TRPM8: variants seen among roughly 807,000 people sequenced by gnomAD.
TRPM8 encodes TRPM8 cationic channel.
In TRPM8, 110 loss-of-function variants were observed where a neutral mutation model predicts 133.7. The ratio of observed to expected loss-of-function variants is 0.82; its 90% CI spans 0.70 to 0.96. The LOEUF is 0.96. TRPM8 is among the 40% of genes least tolerant of loss of function. The probability of loss-of-function intolerance (pLI) is 0.00; values close to 1 mark genes in which losing one functional copy is unlikely to be tolerated. For missense variants in TRPM8, 1,291 were observed against 1,379.5 expected (o/e 0.94, Z 1.02); for synonymous variants, 535 against 532.3 (o/e 1.01, Z -0.07).
chr2:233,921,149 C>T (rs1044812358), intron 1 of TRPM8, among the ~76,000 whole-genome samples: 2 of 152,172 alleles, frequency 1.3e-5, no homozygotes, highest in Non-Finnish European at 2.9e-5. Context: ...GCATGAACTA[C>T]CACGCCCGGC....
chr2:233,932,414 A>C (rs1211829806), intron 3 of TRPM8, among the ~76,000 whole-genome samples: 8 of 152,300 alleles, frequency 5.3e-5, no homozygotes, highest in African/African-American at 1.7e-4. Context: ...TGCTTGGAGC[A>C]TGTGCCTATC....
intron 9 of TRPM8, 87 bp from the exon 10 acceptor site, chr2:233,953,830 T>C (rs1691227283): frequency 1.0e-6 from 1 of 993,672 alleles, no homozygotes; most frequent in Non-Finnish European, 1.5e-6. Flanking sequence ...GTGGTCTTTT[T>C]AAAAAGATCT....
intron 15 of TRPM8, among the ~76,000 whole-genome samples, chr2:233,968,658 C>T (rs956769469): frequency 2.6e-5 from 4 of 152,002 alleles, no homozygotes; most frequent in African/African-American, 9.7e-5. Flanking sequence ...TCCTAGCTAG[C>T]ACTGAGAAGG....
intron 9 of TRPM8, among the ~76,000 whole-genome samples, chr2:233,953,444 A>C (rs1203787242): frequency 1.3e-5 from 2 of 152,256 alleles, no homozygotes; most frequent in Non-Finnish European, 2.9e-5. Context: ...TTACAGAAAA[A>C]TAACAAAGGA....
rs200802189 is a variant in TRPM8 at position 234,018,298 on chromosome 2, T to A, written c.*1042T>A. 1.3e-4 allele frequency: 20 copies of A among 152,192 alleles called. No individual in the cohort carries two copies. In the South Asian group the frequency reaches 1.9e-3, roughly 14 times the overall value. The allele number at this position is 152,192 out of a possible 1,614,324, so 9.4% of individuals were successfully genotyped here. A position where few individuals can be genotyped will look rare whatever the true frequency, so the allele number is the denominator to read the frequency against. ...TGCATAATAGGCAACCTCTAGCGAT[T>A]ACCATAATTTTGCTCATTGAAGGCT... is the stretch of plus-strand genomic sequence containing the variant. On this transcript the variant is annotated 3_prime_UTR_variant, in exon 26 of 26. Transcript: ENST00000324695.
chr2:233,924,295 G>A (rs1341072487), intron 1 of TRPM8, among the ~76,000 whole-genome samples: 2 of 152,140 alleles, frequency 1.3e-5, no homozygotes, highest in Non-Finnish European at 2.9e-5. Context: ...TCTCCCTGGC[G>A]CATGACGCAC....
intron 17 of TRPM8, among the ~76,000 whole-genome samples, chr2:233,975,879 C>T: frequency 7.9e-6 from 1 of 126,710 alleles, no homozygotes; most frequent in East Asian, 2.1e-4. Context: ...GAGACTCCAC[C>T]TCAAACAAAA....
At chr2:233,934,781 T>C (rs996977234) in intron 3 of TRPM8, among the ~76,000 whole-genome samples, 2 of 152,240 alleles carry the variant, frequency 1.3e-5, no homozygotes, top group African/African-American at 4.8e-5. Flanking sequence ...TGGCCACAGT[T>C]TGGCTGGGAA....
intron 3 of TRPM8, among the ~76,000 whole-genome samples, chr2:233,931,054 C>T (rs1691670101): frequency 6.6e-6 from 1 of 152,212 alleles, no homozygotes; most frequent in African/African-American, 2.4e-5. Flanking sequence ...TGTTTTACAG[C>T]TGTTGGCTGG....
chr2:233,976,272 C>T (rs561607546), intron 17 of TRPM8, among the ~76,000 whole-genome samples: 1 of 152,182 alleles, frequency 6.6e-6, no homozygotes, highest in Admixed American at 6.5e-5. Context: ...AGAGGACTTG[C>T]AACAGTAAAA....
At chr2:233,966,567 G>A (rs1398026760) in intron 14 of TRPM8, 43 bp from the exon 15 acceptor site, 2 of 1,611,952 alleles carry the variant, frequency 1.2e-6, no homozygotes, top group African/African-American at 1.3e-5. Flanking sequence ...TCGGTCATGT[G>A]CAGCTCTTAC....
chr2:233,988,968 T>C (rs1355344258), intron 21 of TRPM8, among the ~76,000 whole-genome samples: 1 of 152,194 alleles, frequency 6.6e-6, no homozygotes, highest in African/African-American at 2.4e-5. Flanking sequence ...AGTGATAAGA[T>C]GTCATAGCTA....
intron 23 of TRPM8, among the ~76,000 whole-genome samples, chr2:234,007,194 G>A (rs543688705): frequency 9.2e-5 from 14 of 152,308 alleles, no homozygotes; most frequent in Non-Finnish European, 1.6e-4. Context: ...GGGAGAGAGA[G>A]AGGTATTTGG....
chr2:233,984,695 T>C (rs1392814873), intron 20 of TRPM8, among the ~76,000 whole-genome samples: 3 of 152,220 alleles, frequency 2.0e-5, no homozygotes, highest in South Asian at 2.1e-4. Context: ...TTCTGATCTG[T>C]GCTTCTGCCA....
In TRPM8 at chr2:233,937,479, T is replaced by G. The variant is rs758120903; in HGVS notation, c.318T>G (p.Ile106Met). The change falls in exon 4 of 26, where the codon ATT becomes ATG. Residue 106 changes from isoleucine (I) to methionine (M), a missense_variant. This residue lies in a region of TRPM8 where 963 missense variants were observed against 968.9 expected (regional missense o/e 0.99). Transcript: ENST00000324695. ...TTCCTACCGACGCCTTTGGGGATATTCAGTTTGAGACACTGGGGAAGAAAG... is the reference window on the plus strand; with the variant it reads ...TTCCTACCGACGCCTTTGGGGATATGCAGTTTGAGACACTGGGGAAGAAAG... ...KEFPTDAFGD[I>M]QFETLGKKGK... 1.7e-5 allele frequency: 28 copies of G among 1,613,884 alleles called. No homozygotes were observed. In the East Asian group the frequency reaches 6.0e-4, roughly 35 times the overall value.
At chr2:234,000,452 A>G (rs1692527292) in intron 22 of TRPM8, among the ~76,000 whole-genome samples, 1 of 152,150 alleles carries the variant, frequency 6.6e-6, no homozygotes, top group Non-Finnish European at 1.5e-5. Flanking sequence ...GCTCTAGAAA[A>G]TGACCTTTGG....
intron 16 of TRPM8, 53 bp downstream of exon 16, chr2:233,969,860 A>G: frequency 9.4e-7 from 1 of 1,063,228 alleles, no homozygotes. Flanking sequence ...GTGTGTGTAC[A>G]TGCATCCACA....
intron 2 of TRPM8, among the ~76,000 whole-genome samples, chr2:233,927,670 C>A (rs558068899): frequency 1.3e-5 from 2 of 152,266 alleles, no homozygotes; most frequent in East Asian, 3.9e-4. Context: ...AGGGGTCCAC[C>A]TGGCCTCAGC....
intron 4 of TRPM8, 135 bp from the exon 5 acceptor site, chr2:233,938,863 G>T: frequency 1.1e-6 from 1 of 927,314 alleles, no homozygotes; most frequent in Non-Finnish European, 1.6e-6. Flanking sequence ...CCCCAATGCC[G>T]CGATCCCTGC....
Sources: allele counts gnomAD v4.1 joint callset (sites outside exome capture counted in the v4.1 genomes callset), GRCh38; gene constraint gnomAD v4.1.1; regional missense constraint gnomAD v4.1.1; transcripts MANE v1.5; gene names NCBI Gene and HGNC (gene_info 2026-07-23, HGNC 2026-07-21).